DCDC1: variants seen among roughly 807,000 people sequenced by gnomAD.
DCDC1 encodes the protein doublecortin domain-containing protein 1.
In DCDC1, 200 loss-of-function variants were observed where a neutral mutation model predicts 178.3. The observed-to-expected ratio is 1.12, with a 90% CI of 1.00 to 1.26. The LOEUF (loss-of-function observed/expected upper bound fraction) is 1.26. DCDC1 is among the 50% of genes most tolerant of loss of function. The pLI, the probability that DCDC1 is intolerant of heterozygous loss-of-function variation, is 0.00. For synonymous variants in DCDC1, 690 were observed against 604.8 expected, an observed-to-expected ratio of 1.14 and a Z score of -2.07; for missense variants, 1,983 against 1,749.2, an observed-to-expected ratio of 1.13 and a Z score of -2.38.
intron 20 of DCDC1, among the ~76,000 whole-genome samples, chr11:30,971,334 A>T (rs974421958): frequency 6.6e-6 from 1 of 152,214 alleles, no homozygotes; most frequent in Non-Finnish European, 1.5e-5. Context: ...AAAATAAATT[A>T]TGAAATGCCA....
intron 24 of DCDC1, among the ~76,000 whole-genome samples, chr11:30,921,702 C>T (rs1025067514): frequency 6.6e-6 from 1 of 152,150 alleles, no homozygotes; most frequent in African/African-American, 2.4e-5. Context: ...ATTCTCTCTA[C>T]AGGCTTCACT....
At chr11:31,069,131 A>G (rs911975027) in intron 18 of DCDC1, among the ~76,000 whole-genome samples, 4 of 152,126 alleles carry the variant, frequency 2.6e-5, no homozygotes, top group Admixed American at 6.6e-5. Context: ...GATTACAGGC[A>G]TGAGCCACCG....
At chr11:31,291,539 C>T (rs1047943611) in intron 6 of DCDC1, among the ~76,000 whole-genome samples, 2 of 151,950 alleles carry the variant, frequency 1.3e-5, no homozygotes, top group African/African-American at 4.8e-5. Context: ...TGTATGACTT[C>T]GAAAATGTAA....
chr11:31,278,433 GATTT>G (rs1946152896), intron 7 of DCDC1, among the ~76,000 whole-genome samples: 1 of 152,072 alleles, frequency 6.6e-6, no homozygotes, highest in Non-Finnish European at 1.5e-5. Context: ...AATACCACAT[GATTT>G]CACTTATATG....
At chr11:31,210,040 T>G (rs1052471686) in intron 9 of DCDC1, among the ~76,000 whole-genome samples, 6 of 152,204 alleles carry the variant, frequency 3.9e-5, no homozygotes, top group African/African-American at 1.4e-4. Context: ...TGTCTACCAG[T>G]GTCTGCTACA....
chr11:31,109,773 G>T (rs548492700), intron 12 of DCDC1, among the ~76,000 whole-genome samples: 1 of 152,138 alleles, frequency 6.6e-6, no homozygotes, highest in African/African-American at 2.4e-5. Flanking sequence ...GAGCATGTTG[G>T]TTCTGCCTGA....
At chr11:31,102,814 C>G (rs2135741495) in intron 14 of DCDC1, among the ~76,000 whole-genome samples, 1 of 152,256 alleles carries the variant, frequency 6.6e-6, no homozygotes, top group South Asian at 2.1e-4. Context: ...TCAGTAGTCA[C>G]AAAGTGTGTG....
chr11:31,348,182 C>T (rs1950904878), intron 1 of DCDC1, among the ~76,000 whole-genome samples: 2 of 152,176 alleles, frequency 1.3e-5, no homozygotes, highest in South Asian at 4.1e-4. Flanking sequence ...GACTTCCTAT[C>T]TATCATCAAA....
rs143279669 is a variant in DCDC1 at position 31,026,073 on chromosome 11, G to A, written c.2591+38396C>T. Among the ~76,000 whole-genome samples the A allele has an allele frequency of 4.9e-4, 75 of 151,868 alleles. No individual in the cohort carries two copies. The East Asian group carries it at 0.013, about 25-fold the overall frequency. On this transcript the variant is annotated intron_variant, in intron 20 of 38. Coordinates refer to ENST00000684477, the MANE Select transcript of DCDC1 (RefSeq NM_001387274.1). ...AAAGGAAAGAGAACATTTGAAACCT[G>A]TAATAAACATTCTTAATTCAAATAT...
At chr11:30,905,328 G>A (rs1363680388) in intron 30 of DCDC1, among the ~76,000 whole-genome samples, 164 bp from the exon 31 acceptor site, 1 of 152,144 alleles carries the variant, frequency 6.6e-6, no homozygotes, top group African/African-American at 2.4e-5. Context: ...GAAGGATGTT[G>A]GATCCAAATT....
intron 9 of DCDC1, among the ~76,000 whole-genome samples, chr11:31,160,523 C>A (rs572136473): frequency 5.3e-5 from 8 of 152,026 alleles, no homozygotes; most frequent in Non-Finnish European, 1.2e-4. Flanking sequence ...AAATTTCATC[C>A]CTTTGCATTA....
intron 20 of DCDC1, among the ~76,000 whole-genome samples, chr11:31,055,872 G>T (rs945710901): frequency 6.6e-5 from 10 of 152,020 alleles, no homozygotes; most frequent in African/African-American, 2.4e-4. Flanking sequence ...GTGGGGTGAG[G>T]GACAAAATAC....
rs1054653654 is a variant in DCDC1, at chr11:31,115,868, G to C, written c.1486-5507C>G. ...AAAAGGGAGACATGCCTTTGCATCT[G>C]TGTACCAACCAAATGTTGGATGCAG... On this transcript the variant is annotated intron_variant, in intron 11 of 38. Transcript: ENST00000684477. 2.6e-5 allele frequency among the ~76,000 whole-genome samples: 4 copies of C among 151,852 alleles called. 1 individual carries two copies. Among genetic ancestry groups the C allele is most frequent in the Admixed American group, 2.6e-4 (4 of 15,198 alleles).
chr11:30,932,852 G>A (rs999734028), intron 21 of DCDC1, among the ~76,000 whole-genome samples: 3 of 152,160 alleles, frequency 2.0e-5, no homozygotes, highest in Non-Finnish European at 4.4e-5. Context: ...AGGCAAGGGG[G>A]TTTCCAAGTT....
At chr11:30,903,818 G>T in intron 31 of DCDC1, 135 bp from the exon 32 acceptor site, 2 of 761,408 alleles carry the variant, frequency 2.6e-6, no homozygotes, top group East Asian at 2.9e-5. Flanking sequence ...AATTACTAAT[G>T]ATGCTGATCT....
At chr11:31,070,169 A>G (rs1271807868) in intron 18 of DCDC1, among the ~76,000 whole-genome samples, 1 of 152,176 alleles carries the variant, frequency 6.6e-6, no homozygotes, top group Non-Finnish European at 1.5e-5. Flanking sequence ...ATTCAGTGTT[A>G]TCTACTCTAA....
intron 9 of DCDC1, among the ~76,000 whole-genome samples, chr11:31,157,548 A>G (rs1965860819): frequency 6.6e-6 from 1 of 151,772 alleles, no homozygotes; most frequent in African/African-American, 2.4e-5. Context: ...ACATGGGTAA[A>G]CCTTGAAGAC....
intron 20 of DCDC1, among the ~76,000 whole-genome samples, chr11:30,960,306 G>A (rs1261166778): frequency 4.6e-5 from 7 of 152,074 alleles, no homozygotes; most frequent in Admixed American, 4.6e-4. Flanking sequence ...GCCCATCAGG[G>A]TGTCTTTAAA....
chr11:30,920,365 C>A (rs140949268), intron 25 of DCDC1, among the ~76,000 whole-genome samples: 1 of 151,996 alleles, frequency 6.6e-6, no homozygotes, highest in African/African-American at 2.4e-5. Context: ...GAAGATATTA[C>A]GGCAATAGAG....
Sources: gnomAD v4.1 joint callset for allele counts (sites outside exome capture counted in the v4.1 genomes callset) on GRCh38, gnomAD v4.1.1 for gene constraint, MANE v1.5 for transcripts, NCBI Gene and HGNC (gene_info 2026-07-23, HGNC 2026-07-21) for gene names.